BLTP2: variants seen among roughly 807,000 people sequenced by gnomAD.
The protein encoded by BLTP2 is bridge-like lipid transfer protein family member 2.
At chr17:28,633,028 A>T in the BLTP2 span, 73 of 1,585,558 alleles carry the variant, frequency 4.6e-5, no homozygotes, top group Non-Finnish European at 5.9e-5. Flanking sequence ...AAGCTGGCCC[A>T]AGGGCACCTC....
the BLTP2 span, chr17:28,616,512 A>G: frequency 1.2e-6 from 2 of 1,614,032 alleles, no homozygotes; most frequent in East Asian, 2.2e-5. The surrounding 1 kb of genome is among the most constrained non-coding windows in gnomAD (Gnocchi z 4.8). Flanking sequence ...TGGTATTCCT[A>G]TGAAAAAGCA....
the BLTP2 span, chr17:28,638,728 G>A: frequency 3.8e-6 from 3 of 791,816 alleles, no homozygotes; most frequent in South Asian, 1.7e-5. Flanking sequence ...CTCACAATCA[G>A]AGTGAGAATT....
chr17:28,625,698 T>A, the BLTP2 span, among the ~76,000 whole-genome samples: 4 of 152,208 alleles, frequency 2.6e-5, no homozygotes, highest in African/African-American at 9.7e-5. Flanking sequence ...TTCACCCATA[T>A]GCATCTTAAT....
At chr17:28,639,356 G>C in the BLTP2 span, 1 of 1,613,998 alleles carries the variant, frequency 6.2e-7, no homozygotes, top group South Asian at 1.1e-5. Flanking sequence ...TAGACCCTTG[G>C]GTTTCCAGTG....
At chr17:28,617,078 G>T in the BLTP2 span, 2 of 1,206,294 alleles carry the variant, frequency 1.7e-6, no homozygotes, top group Non-Finnish European at 2.4e-6. Context: ...TCTGCAGAAT[G>T]AGAGGAGAAG....
the BLTP2 span, chr17:28,636,859 G>T: frequency 2.2e-6 from 2 of 908,196 alleles, no homozygotes; most frequent in Non-Finnish European, 3.4e-6. Flanking sequence ...GGCAACATGT[G>T]ACACTCTGTT....
the BLTP2 span, chr17:28,621,217 G>A: frequency 1.3e-6 from 2 of 1,575,296 alleles, no homozygotes; most frequent in Non-Finnish European, 1.7e-6. Context: ...TCTCAATAAA[G>A]ATAATGTGAG....
At chr17:28,642,134 C>A in the BLTP2 span, 1 of 1,593,236 alleles carries the variant, frequency 6.3e-7, no homozygotes, top group South Asian at 1.1e-5. Flanking sequence ...AGTTTTAGGT[C>A]AAAATGTGGT....
chr17:28,628,181 G>A, the BLTP2 span: 8 of 1,171,728 alleles, frequency 6.8e-6, no homozygotes, highest in Non-Finnish European at 9.9e-6. Flanking sequence ...GAAGCACCAT[G>A]ACTCAGTCCT....
At chr17:28,642,547 A>G in the BLTP2 span, 1 of 578,890 alleles carries the variant, frequency 1.7e-6, no homozygotes, top group Non-Finnish European at 3.1e-6. Flanking sequence ...GCTACTCGGG[A>G]GGCTGAGGCA....
chr17:28,638,404 G>A, the BLTP2 span: 1 of 1,614,044 alleles, frequency 6.2e-7, no homozygotes, highest in East Asian at 2.2e-5. Context: ...TGTGGCCTGA[G>A]GTGCTGGTAA....
chr17:28,632,303 T>C, the BLTP2 span: 12 of 1,437,050 alleles, frequency 8.4e-6, no homozygotes, highest in East Asian at 2.3e-5. Flanking sequence ...GCTAAATCCT[T>C]CCCTTGCTGC....
At chr17:28,638,723 A>G in the BLTP2 span, 1 of 810,866 alleles carries the variant, frequency 1.2e-6, no homozygotes, top group Non-Finnish European at 2.0e-6. Context: ...AAGCTCTCAC[A>G]ATCAGAGTGA....
chr17:28,620,848 C>G, the BLTP2 span: 2 of 979,624 alleles, frequency 2.0e-6, no homozygotes, highest in Non-Finnish European at 3.1e-6. Flanking sequence ...GCAGAACTTA[C>G]AAAAAGTAGA....
the BLTP2 span, chr17:28,639,339 G>A: frequency 1.2e-6 from 2 of 1,614,154 alleles, no homozygotes; most frequent in Non-Finnish European, 8.5e-7. Context: ...CTTTAGAACA[G>A]GTGAACTAGA....
At chr17:28,635,681 C>T in the BLTP2 span, 3,746 of 1,456,788 alleles carry the variant, frequency 2.6e-3, 10 homozygotes, top group Non-Finnish European at 3.2e-3. Flanking sequence ...AGGATTATGA[C>T]ACATGCACAC....
At chr17:28,638,531 G>A in the BLTP2 span, 2 of 1,608,556 alleles carry the variant, frequency 1.2e-6, no homozygotes, top group Non-Finnish European at 1.7e-6. Context: ...TACCCAGAGA[G>A]ATAGAATTGA....
At chr17:28,626,334 T>A in the BLTP2 span, among the ~76,000 whole-genome samples, 2 of 152,248 alleles carry the variant, frequency 1.3e-5, no homozygotes, top group African/African-American at 4.8e-5. Context: ...CTCCCTTAGT[T>A]ACTCTCTGTC....
the BLTP2 span, chr17:28,642,513 C>T: frequency 7.2e-5 from 43 of 596,124 alleles, no homozygotes; most frequent in Middle Eastern, 8.9e-4. Flanking sequence ...TAGCCAGGCG[C>T]GGTGGCGGCC....
Sources: allele counts gnomAD v4.1 joint callset (sites outside exome capture counted in the v4.1 genomes callset), GRCh38; gene constraint gnomAD v4.1.1; non-coding constraint Gnocchi (gnomAD v3.1); transcripts MANE v1.5; gene names NCBI Gene and HGNC (gene_info 2026-07-23, HGNC 2026-07-21).